Variants in CNTNAP2 observed in about 807,000 individuals in gnomAD.
CNTNAP2 encodes the protein contactin associated protein 2, also known as contactin-associated protein-like 2.
In CNTNAP2, 98 loss-of-function variants were observed where a neutral mutation model predicts 155.2. The observed-to-expected ratio is 0.63, with a 90% CI of 0.54 to 0.75. CNTNAP2 has a LOEUF of 0.75. CNTNAP2 is among the 30% of genes least tolerant of loss of function. The pLI is 0.00. For missense variants in CNTNAP2, 1,727 were observed against 1,688.1 expected (o/e 1.02, Z -0.40); for synonymous variants, 651 against 631.2 (o/e 1.03, Z -0.47).
At position 148,108,364 on chromosome 7, in the gene CNTNAP2, T is replaced by TAA. The variant is rs34910578; in HGVS notation, c.2384-9742_2384-9741dup. Among the ~76,000 whole-genome samples the TAA allele has an allele frequency of 1.4e-4, 21 of 146,340 alleles. No homozygotes were observed. In the South Asian group the frequency reaches 3.5e-3, roughly 24 times the overall value. Reference sequence around the variant, plus strand: ...GTCCTGAATGGAATTACCAAAAAATTAAAAAAAAAAAAATCAGTGGAGATG... The same window carrying TAA: ...GTCCTGAATGGAATTACCAAAAAATTAAAAAAAAAAAAAAATCAGTGGAGATG... On this transcript the variant is annotated intron_variant, in intron 15 of 23. Transcript: ENST00000361727.
chr7:146,710,952 G>A (rs915673253), intron 1 of CNTNAP2, among the ~76,000 whole-genome samples: 3 of 152,022 alleles, frequency 2.0e-5, no homozygotes, highest in Non-Finnish European at 4.4e-5. Flanking sequence ...CAGAGGGAAA[G>A]TTGAGGCACC....
At chr7:147,961,664 AT>A (rs1801122322) in intron 14 of CNTNAP2, among the ~76,000 whole-genome samples, 1 of 152,220 alleles carries the variant, frequency 6.6e-6, no homozygotes, top group South Asian at 2.1e-4. Flanking sequence ...GCTTGAACAG[AT>A]TAGTTATTCC....
intron 13 of CNTNAP2, among the ~76,000 whole-genome samples, chr7:147,746,483 C>T (rs570916667): frequency 1.8e-4 from 27 of 152,220 alleles, no homozygotes; most frequent in African/African-American, 5.3e-4. Flanking sequence ...ATTTATAAGT[C>T]GTGATCAATA....
chr7:146,258,186 C>G (rs1799868213), intron 1 of CNTNAP2, among the ~76,000 whole-genome samples: 1 of 152,148 alleles, frequency 6.6e-6, no homozygotes, highest in Admixed American at 6.5e-5. Context: ...GCCACCATAC[C>G]TGGTCTATCC....
chr7:147,575,771 A>G (rs1035614673), intron 12 of CNTNAP2, among the ~76,000 whole-genome samples: 1 of 151,988 alleles, frequency 6.6e-6, no homozygotes, highest in Non-Finnish European at 1.5e-5. Flanking sequence ...TTGGTTAAGG[A>G]GTGTCATAAT....
Position 147,977,287 on chromosome 7 carries a change from C to T in CNTNAP2, c.2256-575C>T, listed in dbSNP as rs1463024865. ...AGGAAAGCCAACTGGGCTCAAATCT[C>T]GGCTCCACTCTTCATTGTAGATGGA... On this transcript the variant is annotated intron_variant, in intron 14 of 23. Coordinates refer to ENST00000361727, the MANE Select transcript of CNTNAP2 (RefSeq NM_014141.6). Among the ~76,000 whole-genome samples the T allele has an allele frequency of 2.6e-5, 4 of 152,184 alleles. 1 individual carries two copies. The highest frequency in any genetic ancestry group is 5.9e-5 in the Non-Finnish European group (4 of 68,032).
At chr7:146,747,591 C>A (rs1563214543) in intron 1 of CNTNAP2, among the ~76,000 whole-genome samples, 1 of 152,136 alleles carries the variant, frequency 6.6e-6, no homozygotes, top group East Asian at 1.9e-4. Flanking sequence ...TATGTTAAAG[C>A]ATTATTTTAT....
At chr7:146,924,094 C>T (rs1034734658) in intron 3 of CNTNAP2, among the ~76,000 whole-genome samples, 1 of 152,012 alleles carries the variant, frequency 6.6e-6, no homozygotes, top group African/African-American at 2.4e-5. Context: ...TGAATGAATT[C>T]TTGTAACTAA....
intron 13 of CNTNAP2, among the ~76,000 whole-genome samples, chr7:147,678,230 G>A (rs895606974): frequency 1.8e-4 from 27 of 151,638 alleles, no homozygotes; most frequent in African/African-American, 6.0e-4. Flanking sequence ...ATTCCTCATT[G>A]CCTTGCAGCA....
At chr7:148,202,692 A>T (rs981420244) in intron 18 of CNTNAP2, among the ~76,000 whole-genome samples, 1 of 152,196 alleles carries the variant, frequency 6.6e-6, no homozygotes, top group Admixed American at 6.5e-5. Context: ...CTCACTTGAA[A>T]ATATTGTTTC....
intron 3 of CNTNAP2, among the ~76,000 whole-genome samples, chr7:146,983,290 C>G (rs1215152335): frequency 2.0e-5 from 3 of 152,088 alleles, no homozygotes; most frequent in African/African-American, 7.2e-5. Flanking sequence ...TTTTGATTAG[C>G]TCTGAAATTT....
At chr7:148,210,217 C>T (rs1276383745) in intron 18 of CNTNAP2, among the ~76,000 whole-genome samples, 1 of 152,190 alleles carries the variant, frequency 6.6e-6, no homozygotes, top group Non-Finnish European at 1.5e-5. Flanking sequence ...GGTGGCAAAG[C>T]CAGGGCTGCA....
intron 8 of CNTNAP2, among the ~76,000 whole-genome samples, chr7:147,258,649 G>A (rs537805895): frequency 1.8e-4 from 28 of 152,186 alleles, no homozygotes; most frequent in African/African-American, 5.8e-4. Flanking sequence ...AAAAAGAGTC[G>A]AAGATCAGGG....
chr7:147,858,664 G>A (rs565712713), intron 13 of CNTNAP2, among the ~76,000 whole-genome samples: 76 of 152,230 alleles, frequency 5.0e-4, no homozygotes, highest in African/African-American at 1.8e-3. Context: ...CTAATTCAAT[G>A]ACTGGTATCC....
At chr7:146,199,237 AT>A (rs1798822169) in intron 1 of CNTNAP2, among the ~76,000 whole-genome samples, 1 of 152,140 alleles carries the variant, frequency 6.6e-6, no homozygotes. Flanking sequence ...AGTGGATGTC[AT>A]TTTTTTCTTG....
At chr7:147,028,158 A>G (rs1798958936) in intron 3 of CNTNAP2, among the ~76,000 whole-genome samples, 1 of 152,198 alleles carries the variant, frequency 6.6e-6, no homozygotes, top group Admixed American at 6.5e-5. Context: ...AAGGCATTAC[A>G]AGAATACCAA....
At chr7:147,205,840 A>G (rs1803014428) in intron 8 of CNTNAP2, among the ~76,000 whole-genome samples, 1 of 152,182 alleles carries the variant, frequency 6.6e-6, no homozygotes, top group Non-Finnish European at 1.5e-5. Context: ...CAATAGGTTG[A>G]CTATAGTCCA....
intron 15 of CNTNAP2, among the ~76,000 whole-genome samples, chr7:148,061,609 C>G (rs1803131600): frequency 6.6e-6 from 1 of 151,728 alleles, no homozygotes; most frequent in South Asian, 2.1e-4. Flanking sequence ...CCTGCCTCGC[C>G]CTCCCAAAAT....
intron 2 of CNTNAP2, among the ~76,000 whole-genome samples, chr7:146,822,035 C>A (rs555952809): frequency 1.3e-5 from 2 of 151,956 alleles, no homozygotes; most frequent in Admixed American, 6.6e-5. Flanking sequence ...ATGTTTATTG[C>A]GGCACTATTC....
Sources: allele counts gnomAD v4.1 joint callset (sites outside exome capture counted in the v4.1 genomes callset), GRCh38; gene constraint gnomAD v4.1.1; transcripts MANE v1.5; gene names NCBI Gene and HGNC (gene_info 2026-07-23, HGNC 2026-07-21).